The following PPM1L variants were observed in gnomAD, a reference collection of about 807,000 sequenced individuals.
PPM1L encodes the protein protein phosphatase, Mg2+/Mn2+ dependent 1L.
PPM1L carries 13 observed loss-of-function variants against 31.4 expected under a neutral mutation model. That is an observed-to-expected ratio of 0.41 (90% CI 0.27 to 0.66). The LOEUF is 0.66. Among genes scored for constraint, PPM1L ranks in the 30% least tolerant of loss-of-function variants. The probability of loss-of-function intolerance (pLI) is 0.29; values close to 1 mark genes in which losing one functional copy is unlikely to be tolerated. For synonymous variants in PPM1L, 184 were observed against 175.4 expected, an observed-to-expected ratio of 1.05 and a Z score of -0.39; for missense variants, 326 against 453.7, an observed-to-expected ratio of 0.72 and a Z score of 2.56.
intron 1 of PPM1L, among the ~76,000 whole-genome samples, chr3:160,773,490 G>A (rs1364519567): frequency 1.3e-5 from 2 of 152,168 alleles, no homozygotes; most frequent in African/African-American, 4.8e-5. Flanking sequence ...AGGTTGTGCG[G>A]GGTAACCAGG....
chr3:160,910,610 C>T lies in PPM1L; in HGVS notation c.400-51126C>T, dbSNP rs190188801. Among the ~76,000 whole-genome samples, 352 of 152,246 alleles carry T rather than the reference C, an allele frequency of 2.3e-3. 2 individuals carry two copies. Among genetic ancestry groups the T allele is most frequent in the African/African-American group, 7.9e-3 (327 of 41,546 alleles). ...ACAGGCGTGAGCTATCGCGCCTGGCCGGAGCCTGAAACTTTCAAGCTTTCA... is the reference window on the plus strand; with the variant it reads ...ACAGGCGTGAGCTATCGCGCCTGGCTGGAGCCTGAAACTTTCAAGCTTTCA... On this transcript the variant is annotated intron_variant, in intron 1 of 3. Transcript: ENST00000498165.
At chr3:160,833,579 T>A (rs905702776) in intron 1 of PPM1L, among the ~76,000 whole-genome samples, 7 of 152,226 alleles carry the variant, frequency 4.6e-5, no homozygotes, top group Non-Finnish European at 8.8e-5. Context: ...AAATGTCTTC[T>A]TTTGAGAAAT....
chr3:161,019,886 G>A (rs1352605189), intron 2 of PPM1L, among the ~76,000 whole-genome samples: 1 of 152,230 alleles, frequency 6.6e-6, no homozygotes, highest in Admixed American at 6.5e-5. Flanking sequence ...AACACTTTGG[G>A]AAGCCAAGGC....
At chr3:160,869,647 G>A (rs966383467) in intron 1 of PPM1L, among the ~76,000 whole-genome samples, 4 of 151,954 alleles carry the variant, frequency 2.6e-5, no homozygotes, top group African/African-American at 9.7e-5. Flanking sequence ...GTTAAAATGT[G>A]AAAAAACAAA....
chr3:160,787,825 A>G (rs1237472479), intron 1 of PPM1L, among the ~76,000 whole-genome samples: 1 of 152,244 alleles, frequency 6.6e-6, no homozygotes, highest in Non-Finnish European at 1.5e-5. Context: ...AAAGCTAGCC[A>G]GTTATCTCAG....
intron 2 of PPM1L, among the ~76,000 whole-genome samples, chr3:160,968,114 TA>T (rs1716214820): frequency 6.6e-6 from 1 of 151,170 alleles, no homozygotes; most frequent in Non-Finnish European, 1.5e-5. Context: ...GGCATATTTT[TA>T]TTGGTGGGAT....
At chr3:160,891,353 T>G (rs1713130934) in intron 1 of PPM1L, among the ~76,000 whole-genome samples, 1 of 152,086 alleles carries the variant, frequency 6.6e-6, no homozygotes, top group Non-Finnish European at 1.5e-5. Context: ...CAAGAATGTC[T>G]TCTTGAAAGA....
At chr3:161,016,441 A>G (rs1718090253) in intron 2 of PPM1L, among the ~76,000 whole-genome samples, 1 of 152,194 alleles carries the variant, frequency 6.6e-6, no homozygotes, top group Non-Finnish European at 1.5e-5. Context: ...TTGGGTAAGT[A>G]TGTGTATGAT....
intron 1 of PPM1L, among the ~76,000 whole-genome samples, chr3:160,910,837 T>C (rs1560148203): frequency 6.6e-6 from 1 of 152,352 alleles, no homozygotes; most frequent in Non-Finnish European, 1.5e-5. Context: ...TGCACCTTTA[T>C]TGCAGGCTGC....
Position 160,849,494 on chromosome 3 carries a change from C to T in PPM1L, c.399+92787C>T, listed in dbSNP as rs61242416. On this transcript the variant is annotated intron_variant, in intron 1 of 3. Coordinates refer to ENST00000498165, the MANE Select transcript of PPM1L (RefSeq NM_139245.4). Reference sequence around the variant, plus strand: ...AGTGACACAATCTTGGCTCATGGCTCACTGCAAGCTCCACCTCCCGGGTTC... The same window carrying T: ...AGTGACACAATCTTGGCTCATGGCTTACTGCAAGCTCCACCTCCCGGGTTC... Among the ~76,000 whole-genome samples, 88 of 151,890 alleles carry T rather than the reference C, an allele frequency of 5.8e-4. No individual in the cohort carries two copies. The East Asian group carries it at 0.012, about 21-fold the overall frequency.
At chr3:160,955,230 C>T (rs566353543) in intron 1 of PPM1L, among the ~76,000 whole-genome samples, 1 of 152,116 alleles carries the variant, frequency 6.6e-6, no homozygotes, top group African/African-American at 2.4e-5. Context: ...AGGATAGTCT[C>T]GATCTCTTGA....
chr3:160,879,441 A>G (rs1345252311), intron 1 of PPM1L, among the ~76,000 whole-genome samples: 1 of 152,072 alleles, frequency 6.6e-6, no homozygotes, highest in Non-Finnish European at 1.5e-5. Flanking sequence ...ACTTTCTCCA[A>G]GGTCCCCCTC....
intron 1 of PPM1L, among the ~76,000 whole-genome samples, chr3:160,869,674 A>G (rs1712229072): frequency 6.6e-6 from 1 of 152,102 alleles, no homozygotes; most frequent in South Asian, 2.1e-4. Flanking sequence ...GATTCAATGG[A>G]ATAGAATAAC....
At chr3:160,881,656 C>T (rs139196307) in intron 1 of PPM1L, among the ~76,000 whole-genome samples, 3,584 of 152,256 alleles carry the variant, frequency 0.024, 74 homozygotes, top group Middle Eastern at 0.034. Context: ...ATATTTATTT[C>T]TTCTATTCAG....
intron 2 of PPM1L, among the ~76,000 whole-genome samples, chr3:161,027,524 A>G (rs2108077202): frequency 6.6e-6 from 1 of 152,320 alleles, no homozygotes; most frequent in African/African-American, 2.4e-5. Flanking sequence ...GAGAACTTGT[A>G]TAGGGAAACT....
At chr3:161,033,712 A>G (rs932286937) in intron 2 of PPM1L, among the ~76,000 whole-genome samples, 10 of 152,236 alleles carry the variant, frequency 6.6e-5, no homozygotes, top group Non-Finnish European at 1.2e-4. Flanking sequence ...TAAAGACTTC[A>G]ACGTAAGACC....
At chr3:160,938,737 G>T (rs1715062165) in intron 1 of PPM1L, among the ~76,000 whole-genome samples, 1 of 152,194 alleles carries the variant, frequency 6.6e-6, no homozygotes, top group Admixed American at 6.5e-5. Flanking sequence ...AGCCAGTGAG[G>T]TTAAGTAATG....
At chr3:160,903,470 C>T (rs1331507297) in intron 1 of PPM1L, among the ~76,000 whole-genome samples, 2 of 152,090 alleles carry the variant, frequency 1.3e-5, no homozygotes, top group Admixed American at 6.6e-5. Flanking sequence ...TTAAAATCAT[C>T]TGATTGTGAT....
chr3:160,869,681 TAAC>T (rs543216425), intron 1 of PPM1L, among the ~76,000 whole-genome samples: 97 of 152,124 alleles, frequency 6.4e-4, no homozygotes, highest in Middle Eastern at 3.4e-3. Context: ...TGGAATAGAA[TAAC>T]AATCTTTTAT....
Sources: gnomAD v4.1 joint callset for allele counts (sites outside exome capture counted in the v4.1 genomes callset) on GRCh38, gnomAD v4.1.1 for gene constraint, MANE v1.5 for transcripts, NCBI Gene and HGNC (gene_info 2026-07-23, HGNC 2026-07-21) for gene names.